The following ACP1 variants were observed in gnomAD, a reference collection of about 807,000 sequenced individuals.
ACP1 encodes the protein acid phosphatase 1.
A neutral mutation model predicts 23.4 loss-of-function variants in ACP1; 23 were observed. The observed-to-expected ratio is 0.98, with a 90% CI of 0.71 to 1.39. The LOEUF is 1.39. Ranked by LOEUF, ACP1 falls within the 40% of genes most tolerant of loss-of-function variation. The probability of loss-of-function intolerance (pLI) is 0.00; values close to 1 mark genes in which losing one functional copy is unlikely to be tolerated. For missense variants in ACP1, 180 were observed against 197.7 expected (o/e 0.91, Z 0.54); for synonymous variants, 72 against 67.2 (o/e 1.07, Z -0.35).
In ACP1 at chr2:265,014, G is replaced by C. The variant is rs766776227; in HGVS notation, c.43+7G>C. 1 of 1,612,732 alleles carries C rather than the reference G, an allele frequency of 6.2e-7. No homozygotes were observed. The highest frequency in any genetic ancestry group is 2.2e-5 in the East Asian group (1 of 44,742). On this transcript the variant is annotated splice_region_variant and intron_variant, in intron 1 of 5. Transcript: ENST00000272065. ...GTGCTGTTTGTGTGTCTGGGTAAGA[G>C]GGCGCCGACTTACTCATGTTCTGAC... is the stretch of plus-strand genomic sequence containing the variant.
At chr2:272,820 T>A (rs1670082826) in intron 3 of ACP1, 2 of 156,626 alleles carry the variant, frequency 1.3e-5, no homozygotes, top group Non-Finnish European at 2.8e-5. Context: ...CAATTGAAGA[T>A]AACCTTGTCT....
chr2:268,267 G>A lies in ACP1; in HGVS notation c.43+3260G>A, dbSNP rs536518019. ...GCGGTAAATGGCATTTTACTTGGTA[G>A]CCATATAGAGGACAGTAAGAGTTGT... On this transcript the variant is annotated intron_variant, in intron 1 of 5. Coordinates refer to ENST00000272065, the MANE Select transcript of ACP1 (RefSeq NM_004300.4). Among the ~76,000 whole-genome samples the A allele has an allele frequency of 2.6e-5, 4 of 152,334 alleles. No individual in the cohort carries two copies. In the South Asian group the frequency reaches 6.2e-4, roughly 24 times the overall value.
rs748319575 is a variant in ACP1 at position 272,207 on chromosome 2, G to A, written c.231+57G>A. The A allele has an allele frequency of 1.4e-5, 22 of 1,613,992 alleles. No homozygotes were observed. The highest frequency in any genetic ancestry group is 4.0e-5 in the African/African-American group (3 of 74,902). On this transcript the variant is annotated intron_variant, in intron 3 of 5. Coordinates refer to ENST00000272065, the MANE Select transcript of ACP1 (RefSeq NM_004300.4). ...TGTGTTTCAGTGGGTCATTGACAGC[G>A]GTGCTGTTTCTGACTGGAACGTGGG...
At position 272,072 on chromosome 2, in the gene ACP1, G is replaced by A. The variant is rs899647911; in HGVS notation, c.153G>A (p.Glu51=). Residue 51 remains glutamate (E), a synonymous_variant, in exon 3 of 6, where the codon GAG becomes GAA. Coordinates refer to ENST00000272065, the MANE Select transcript of ACP1 (RefSeq NM_004300.4). ...ACAGCGCGGCAACTTCCGGGTATGA[G>A]ATAGGGAACCCCCCTGACTACCGAG... ...RVDSAATSGY[E]IGNPPDYRGQ... The A allele has an allele frequency of 1.2e-6, 2 of 1,614,040 alleles. No individual in the cohort carries two copies. Among genetic ancestry groups the A allele is most frequent in the East Asian group, 2.2e-5 (1 of 44,864 alleles).
chr2:266,496 T>C (rs1241678542), intron 1 of ACP1: 1 of 152,220 alleles, frequency 6.6e-6, no homozygotes, highest in Non-Finnish European at 1.5e-5. Flanking sequence ...AAGTGTATCC[T>C]TGCATATACA....
At chr2:265,374 C>T (rs967287355) in intron 1 of ACP1, 5 of 216,444 alleles carry the variant, frequency 2.3e-5, no homozygotes, top group Non-Finnish European at 3.6e-5. Flanking sequence ...TCTTAGGGGC[C>T]TCCTGAGTCC....
At position 272,129 on chromosome 2, in the gene ACP1, CAT is replaced by C; in HGVS notation, c.211_212del (p.Met71GlufsTer16). ...QSCMKRHGIP[M>X]SHVARQITKE... ...GCTGCATGAAGAGGCACGGCATTCC[CAT>C]GAGCCACGTTGCCCGGCAGGTACCG... On this transcript the variant is annotated frameshift_variant, in exon 3 of 6. Coordinates refer to ENST00000272065, the MANE Select transcript of ACP1 (RefSeq NM_004300.4). LOFTEE classifies it high-confidence loss of function. 1.9e-6 allele frequency: 3 copies of C among 1,614,220 alleles called. No individual in the cohort carries two copies. The highest frequency in any genetic ancestry group is 1.7e-5 in the Admixed American group (1 of 60,028).
intron 1 of ACP1, among the ~76,000 whole-genome samples, chr2:270,230 G>A (rs1183146589): frequency 6.6e-6 from 1 of 152,206 alleles, no homozygotes. Context: ...TACAAAATAT[G>A]TTTGTTGAAT....
At position 270,336 on chromosome 2, in the gene ACP1, A is replaced by G. The variant is rs1482906196; in HGVS notation, c.44-1530A>G. On this transcript the variant is annotated intron_variant, in intron 1 of 5. Transcript: ENST00000272065. Reference sequence around the variant, plus strand: ...GCCCAGTGTTTTAGGGCTCCTGTATACCAGCCCGTCAGTTTCCAGACACTG... The same window carrying G: ...GCCCAGTGTTTTAGGGCTCCTGTATGCCAGCCCGTCAGTTTCCAGACACTG... 4.6e-5 allele frequency among the ~76,000 whole-genome samples: 7 copies of G among 152,264 alleles called. No individual in the cohort carries two copies. The East Asian group carries it at 1.2e-3, about 25-fold the overall frequency.
In ACP1 at chr2:264,997, T is replaced by G; in HGVS notation, c.33T>G (p.Phe11Leu). Residue 11 changes from phenylalanine (F) to leucine (L), a missense_variant, in exon 1 of 6, where the codon TTT (phenylalanine) becomes TTG (leucine). Transcript: ENST00000272065. ...AACAGGCTACCAAGTCCGTGCTGTT[T>G]GTGTGTCTGGGTAAGAGGGCGCCGA... MAEQATKSVL[F>L]VCLGNICRSP... is the part of the protein sequence containing the mutation. The G allele has an allele frequency of 1.2e-6, 2 of 1,613,414 alleles. No homozygotes were observed. Among genetic ancestry groups the G allele is most frequent in the East Asian group, 4.5e-5 (2 of 44,788 alleles).
intron 4 of ACP1, among the ~76,000 whole-genome samples, chr2:275,911 A>T (rs2103076215): frequency 6.6e-6 from 1 of 152,352 alleles, no homozygotes; most frequent in Admixed American, 6.5e-5. Context: ...AAATGAACAG[A>T]TAGGGATGCA....
At chr2:272,508 A>G (rs1670073928) in intron 3 of ACP1, 2 of 1,423,254 alleles carry the variant, frequency 1.4e-6, no homozygotes, top group Admixed American at 5.9e-5. Flanking sequence ...TAAAATGCAC[A>G]TAAAAGCTAG....
At position 265,025 on chromosome 2, in the gene ACP1, T is replaced by C. The variant is rs1183614863; in HGVS notation, c.43+18T>C. The C allele has an allele frequency of 1.2e-6, 2 of 1,612,088 alleles. No individual in the cohort carries two copies. Among genetic ancestry groups the C allele is most frequent in the South Asian group, 2.2e-5 (2 of 90,818 alleles). On this transcript the variant is annotated intron_variant, in intron 1 of 5. Coordinates refer to ENST00000272065, the MANE Select transcript of ACP1 (RefSeq NM_004300.4). ...GTGTCTGGGTAAGAGGGCGCCGACT[T>C]ACTCATGTTCTGACGTCCTCTGGAG... is the stretch of plus-strand genomic sequence containing the variant.
Position 277,428 on chromosome 2 carries a change from G to A in ACP1, c.*124G>A. The stretch of plus-strand genomic sequence containing the variant: ...CAGCTCTTTGTTCAGTTGACTTACT[G>A]TTTCTTACCTTAAAAAGTAATTGTA... On this transcript the variant is annotated 3_prime_UTR_variant, in exon 6 of 6. Transcript: ENST00000272065. 1 of 798,988 alleles carries A rather than the reference G, an allele frequency of 1.3e-6. No individual in the cohort carries two copies. The highest frequency in any genetic ancestry group is 2.1e-6 in the Non-Finnish European group (1 of 465,844). The allele number at this position is 798,988 out of a possible 1,614,324, so 49.5% of individuals were successfully genotyped here.
In ACP1 at chr2:278,102, T is replaced by G. The variant is rs1670226691; in HGVS notation, c.*798T>G. The G allele has an allele frequency of 6.6e-6, 1 of 152,214 alleles. No individual in the cohort carries two copies. The highest frequency in any genetic ancestry group is 6.5e-5 in the Admixed American group (1 of 15,288). 9.4% of individuals were successfully genotyped at this position (152,214 alleles called of 1,614,324 possible). On this transcript the variant is annotated 3_prime_UTR_variant, in exon 6 of 6. Transcript: ENST00000272065. ...AATTGGCTTATTTTTTAAAATAATT[T>G]TAAAAGTTGGGAAAAGTGTTATTAT...
Position 277,299 on chromosome 2 carries a change from C to A in ACP1, c.472C>A (p.His158Asn). 6.2e-7 allele frequency: 1 copy of A among 1,612,636 alleles called. No individual in the cohort carries two copies. The highest frequency in any genetic ancestry group is 2.2e-5 in the East Asian group (1 of 44,884). ...CTGCAGAGCGTTCTTGGAGAAGGCC[C>A]ACTGAGGCAGGTTCGTGCCCTGCTG... Reference protein sequence around the residue: ...RCCRAFLEKAH With the variant: ...RCCRAFLEKAN Residue 158 changes from histidine (H) to asparagine (N), a missense_variant, in exon 6 of 6, where the codon CAC becomes AAC. His to Asn is a moderately conservative substitution (Grantham distance 68). Coordinates refer to ENST00000272065, the MANE Select transcript of ACP1 (RefSeq NM_004300.4).
At chr2:267,860 A>G (rs564965670) in intron 1 of ACP1, among the ~76,000 whole-genome samples, 1 of 152,364 alleles carries the variant, frequency 6.6e-6, no homozygotes, top group East Asian at 1.9e-4. Context: ...AGCCATCCAT[A>G]TGATGAACCT....
At position 277,308 on chromosome 2, in the gene ACP1, A is replaced by G; in HGVS notation, c.*4A>G. ...GTTCTTGGAGAAGGCCCACTGAGGC[A>G]GGTTCGTGCCCTGCTGCGGCCAGCC... is the stretch of plus-strand genomic sequence containing the variant. On this transcript the variant is annotated 3_prime_UTR_variant, in exon 6 of 6. Transcript: ENST00000272065. The G allele has an allele frequency of 6.2e-7, 1 of 1,612,402 alleles. No homozygotes were observed. The highest frequency in any genetic ancestry group is 8.5e-7 in the Non-Finnish European group (1 of 1,179,976).
At chr2:275,509 A>G (rs542640902) in intron 4 of ACP1, 1 of 187,390 alleles carries the variant, frequency 5.3e-6, no homozygotes, top group African/African-American at 2.3e-5. Context: ...AACGATTTTG[A>G]TATTTTTGCT....
Sources: gnomAD v4.1 joint callset for allele counts (sites outside exome capture counted in the v4.1 genomes callset) on GRCh38, gnomAD v4.1.1 for gene constraint, MANE v1.5 for transcripts, NCBI Gene and HGNC (gene_info 2026-07-23, HGNC 2026-07-21) for gene names.